PHTF2: variants seen among roughly 807,000 people sequenced by gnomAD.
PHTF2 encodes protein PHTF2.
A neutral mutation model predicts 101.2 loss-of-function variants in PHTF2; 60 were observed. That is an observed-to-expected ratio of 0.59 (90% CI 0.48 to 0.73). The LOEUF (loss-of-function observed/expected upper bound fraction) is 0.73, where lower values mean the gene tolerates loss of function less well. Among genes scored for constraint, PHTF2 ranks in the 30% least tolerant of loss-of-function variants. The probability of loss-of-function intolerance (pLI) is 0.00; values close to 1 mark genes in which losing one functional copy is unlikely to be tolerated. For missense variants in PHTF2, 747 were observed against 908.7 expected, an observed-to-expected ratio of 0.82 and a Z score of 2.29; for synonymous variants, 311 against 307.3, an observed-to-expected ratio of 1.01 and a Z score of -0.13.
chr7:77,819,014 G>T (rs1471996583), intron 1 of PHTF2, among the ~76,000 whole-genome samples: 1 of 151,996 alleles, frequency 6.6e-6, no homozygotes, highest in Admixed American at 6.6e-5. Flanking sequence ...AAATAAGATT[G>T]CCTTTTTTAT....
At chr7:77,925,518 T>TTTTTTTTTTTTTGTTTTG (rs1803897407) in intron 11 of PHTF2, among the ~76,000 whole-genome samples, 3 of 133,346 alleles carry the variant, frequency 2.2e-5, no homozygotes, top group African/African-American at 9.1e-5. Context: ...TTTTTTTTTT[T>TTTTTTTTTTTTTGTTTTG]TTTTTTTTGA....
At chr7:77,952,632 C>T (rs1360425476) in intron 18 of PHTF2, among the ~76,000 whole-genome samples, 1 of 152,200 alleles carries the variant, frequency 6.6e-6, no homozygotes, top group Non-Finnish European at 1.5e-5. Context: ...GTTTGCTTGA[C>T]ACATGTATAT....
chr7:77,879,124 GAC>G (rs1799190878), intron 3 of PHTF2, among the ~76,000 whole-genome samples: 5 of 152,188 alleles, frequency 3.3e-5, no homozygotes, highest in Admixed American at 2.0e-4. Flanking sequence ...TTATCTTACA[GAC>G]ATTGGTCCTT....
At chr7:77,883,764 A>G (rs902327910) in intron 3 of PHTF2, among the ~76,000 whole-genome samples, 12 of 152,126 alleles carry the variant, frequency 7.9e-5, no homozygotes, top group Admixed American at 6.5e-4. Flanking sequence ...TATTGCTTCT[A>G]TCTGATGTTA....
At chr7:77,804,320 G>T (rs907369333) in intron 1 of PHTF2, among the ~76,000 whole-genome samples, 1 of 151,806 alleles carries the variant, frequency 6.6e-6, no homozygotes, top group African/African-American at 2.4e-5. Flanking sequence ...TTAATGAGGG[G>T]TTTTTTGTTT....
At chr7:77,901,681 C>G in intron 6 of PHTF2, 81 bp from the exon 6 acceptor site, 1 of 694,220 alleles carries the variant, frequency 1.4e-6, no homozygotes, top group Non-Finnish European at 2.1e-6. Context: ...TGATGTTTTT[C>G]AAACATTGAA....
rs200035827 is a variant in PHTF2, at chr7:77,947,837, C to T, written c.1960-1841C>T. 6.1e-3 allele frequency among the ~76,000 whole-genome samples: 446 copies of T among 73,596 alleles called. 4 individuals carry two copies. Among genetic ancestry groups the T allele is most frequent in the African/African-American group, 0.016 (273 of 17,312 alleles). 48.3% of individuals were successfully genotyped at this position (73,596 alleles called of 152,430 possible). A position where few individuals can be genotyped will look rare whatever the true frequency, so the allele number is the denominator to read the frequency against. The stretch of plus-strand genomic sequence containing the variant: ...TTATTTTCTTTTTTCTTTTTTCTTT[C>T]TTTTTTTTTTTTTTTTTTGAGACAG... On this transcript the variant is annotated intron_variant, in intron 16 of 19. Transcript: ENST00000416283.
intron 1 of PHTF2, among the ~76,000 whole-genome samples, chr7:77,835,685 A>C (rs1300056434): frequency 6.6e-6 from 1 of 152,214 alleles, no homozygotes; most frequent in African/African-American, 2.4e-5. Flanking sequence ...ATCCCCCAAA[A>C]TTTAACTACT....
chr7:77,898,500 C>T (rs1237937050), intron 5 of PHTF2, among the ~76,000 whole-genome samples: 5 of 152,060 alleles, frequency 3.3e-5, no homozygotes, highest in Admixed American at 3.3e-4. Context: ...CTCCAATTTG[C>T]AAAATCTTGG....
intron 3 of PHTF2, among the ~76,000 whole-genome samples, chr7:77,862,425 A>G (rs2150677902): frequency 1.3e-5 from 2 of 152,258 alleles, no homozygotes; most frequent in Non-Finnish European, 2.9e-5. Context: ...TATTTGAAAT[A>G]CTGCAGTCAT....
chr7:77,900,986 G>A (rs551369689), intron 6 of PHTF2, among the ~76,000 whole-genome samples: 2 of 152,356 alleles, frequency 1.3e-5, no homozygotes, highest in South Asian at 4.1e-4. Flanking sequence ...TGCTTCTGGG[G>A]TAGGAAGCTT....
chr7:77,874,233 A>T (rs1379831969), intron 3 of PHTF2, among the ~76,000 whole-genome samples: 10 of 152,150 alleles, frequency 6.6e-5, no homozygotes, highest in Non-Finnish European at 1.0e-4. Flanking sequence ...ACTATTAGAA[A>T]TAGAGTCCTT....
chr7:77,953,762 CT>C lies in PHTF2; in HGVS notation c.2212-6del. ...TCTGGGACTGACTTTTTTTTCTCTT[CT>C]GCTAGGAGTTGGACAGTCCTTTTAG... is the stretch of plus-strand genomic sequence containing the variant. On this transcript the variant is annotated splice_polypyrimidine_tract_variant and splice_region_variant and intron_variant, in intron 18 of 19. Transcript: ENST00000416283. The C allele has an allele frequency of 6.2e-7, 1 of 1,601,140 alleles. No individual in the cohort carries two copies. Among genetic ancestry groups the C allele is most frequent in the Non-Finnish European group, 8.5e-7 (1 of 1,174,966 alleles).
intron 3 of PHTF2, among the ~76,000 whole-genome samples, chr7:77,884,402 A>C (rs1398300029): frequency 6.6e-6 from 1 of 151,888 alleles, no homozygotes; most frequent in Non-Finnish European, 1.5e-5. Context: ...ACCCCTTCTG[A>C]GTCTCCATAG....
intron 1 of PHTF2, among the ~76,000 whole-genome samples, chr7:77,822,404 C>G (rs1475160566): frequency 6.6e-6 from 1 of 151,928 alleles, no homozygotes; most frequent in Non-Finnish European, 1.5e-5. Context: ...GCTCTGGTCT[C>G]AAGATGGCAC....
intron 18 of PHTF2, among the ~76,000 whole-genome samples, chr7:77,953,076 C>G (rs989983055): frequency 6.6e-6 from 1 of 152,160 alleles, no homozygotes; most frequent in Non-Finnish European, 1.5e-5. Context: ...TGCTGAGCAA[C>G]CTGTAGCAAT....
At chr7:77,937,800 A>C (rs199712378) in exon 13 of PHTF2, 1 of 1,549,440 alleles carries the variant, frequency 6.5e-7, no homozygotes, top group East Asian at 2.3e-5. Context: ...GAAAGCAGAC[A>C]TGTCTGTACT....
intron 2 of PHTF2, among the ~76,000 whole-genome samples, chr7:77,853,057 C>A (rs1796892278): frequency 6.6e-6 from 1 of 152,076 alleles, no homozygotes; most frequent in African/African-American, 2.4e-5. Context: ...TTGAGGTAGT[C>A]TTCTTTGGGT....
intron 7 of PHTF2, among the ~76,000 whole-genome samples, chr7:77,905,776 G>A (rs1048051988): frequency 3.3e-5 from 5 of 152,016 alleles, no homozygotes; most frequent in African/African-American, 1.2e-4. Flanking sequence ...GGGATTACAG[G>A]TGTGAGCCAT....
Sources: gnomAD v4.1 joint callset for allele counts (sites outside exome capture counted in the v4.1 genomes callset) on GRCh38, gnomAD v4.1.1 for gene constraint, MANE v1.5 for transcripts, NCBI Gene and HGNC (gene_info 2026-07-23, HGNC 2026-07-21) for gene names.